Variants in SLC13A3 observed in about 807,000 individuals in gnomAD.
SLC13A3 encodes the protein Na(+)/dicarboxylate cotransporter 3.
A neutral mutation model predicts 59.0 loss-of-function variants in SLC13A3; 40 were observed. That is an observed-to-expected ratio of 0.68 (90% confidence interval 0.53 to 0.88). SLC13A3 has a LOEUF of 0.88. Among genes scored for constraint, SLC13A3 ranks in the 40% least tolerant of loss-of-function variants. SLC13A3 has a pLI of 0.00. For synonymous variants in SLC13A3, 317 were observed against 330.3 expected, an observed-to-expected ratio of 0.96 and a Z score of 0.44; for missense variants, 699 against 783.2, an observed-to-expected ratio of 0.89 and a Z score of 1.28.
intron 3 of SLC13A3, among the ~76,000 whole-genome samples, chr20:46,601,036 G>A (rs190486426): frequency 2.6e-4 from 39 of 152,130 alleles, no homozygotes; most frequent in South Asian, 2.5e-3. Flanking sequence ...GCAAAGGCCC[G>A]GCAGTAAGGA....
At chr20:46,588,266 C>T (rs1306186030) in intron 7 of SLC13A3, 103 bp from the exon 8 acceptor site, 4 of 642,274 alleles carry the variant, frequency 6.2e-6, no homozygotes, top group Non-Finnish European at 1.1e-5. Context: ...TGGGCCCGGG[C>T]TCTGCCTCTG....
chr20:46,675,084 G>A (rs117041214), upstream of SLC13A3, among the ~76,000 whole-genome samples: 1,927 of 152,086 alleles, frequency 0.013, 20 homozygotes, highest in Middle Eastern at 0.048. Context: ...TGAGATGTGC[G>A]CAAGGCTGGC....
intron 3 of SLC13A3, among the ~76,000 whole-genome samples, chr20:46,609,792 T>C (rs1253616468): frequency 2.6e-5 from 4 of 152,248 alleles, no homozygotes; most frequent in South Asian, 2.1e-4. Context: ...ATAAAGTGCA[T>C]GTAGCCACCA....
At chr20:46,657,074 G>A (rs1199156907) in intron 1 of SLC13A3, among the ~76,000 whole-genome samples, 1 of 151,886 alleles carries the variant, frequency 6.6e-6, no homozygotes, top group Non-Finnish European at 1.5e-5. Context: ...AAGTCAGTTT[G>A]ACCAGCCTGG....
intron 1 of SLC13A3, among the ~76,000 whole-genome samples, chr20:46,641,542 T>C (rs899633913): frequency 2.0e-4 from 30 of 152,012 alleles, no homozygotes; most frequent in Admixed American, 1.9e-3. Flanking sequence ...GGAGGTACCA[T>C]TGGAGCCAAG....
intron 9 of SLC13A3, 60 bp from the exon 10 acceptor site, chr20:46,575,745 C>G: frequency 9.5e-7 from 1 of 1,048,942 alleles, no homozygotes; most frequent in Non-Finnish European, 1.4e-6. Flanking sequence ...GCAGAGGCCA[C>G]CAGCCCTGAG....
chr20:46,581,443 T>G (rs550838844), intron 9 of SLC13A3, among the ~76,000 whole-genome samples: 20 of 152,232 alleles, frequency 1.3e-4, no homozygotes, highest in African/African-American at 4.6e-4. Context: ...AGAGACCCAC[T>G]GGGCAAAGAG....
At chr20:46,574,813 C>T (rs970063214) in intron 10 of SLC13A3, among the ~76,000 whole-genome samples, 3 of 148,488 alleles carry the variant, frequency 2.0e-5, no homozygotes, top group Non-Finnish European at 3.0e-5. Flanking sequence ...GATGAGTTAA[C>T]GTGTAAAGCA....
At chr20:46,642,915 GC>G (rs1220581051) in intron 1 of SLC13A3, among the ~76,000 whole-genome samples, 2 of 151,384 alleles carry the variant, frequency 1.3e-5, no homozygotes, top group African/African-American at 4.9e-5. Flanking sequence ...CCATCTGCCA[GC>G]CTAATGTGGG....
chr20:46,682,422 A>C (rs891076352), intron 1 of SLC13A3: 1 of 152,146 alleles, frequency 6.6e-6, no homozygotes, highest in African/African-American at 2.4e-5. Flanking sequence ...TGGAGCACTC[A>C]CTATGCCAGC....
chr20:46,657,844 C>A lies in SLC13A3; in HGVS notation c.-31+12199G>T, dbSNP rs57852669. ...GGAGCAAGGCGCTGGGGGGAGGTGC[C>A]ACACACTTTTAAACAACCAGATTTC... On this transcript the variant is annotated intron_variant, in intron 1 of 12. Transcript: ENST00000290317. Among the ~76,000 whole-genome samples, 677 of 152,176 alleles carry A rather than the reference C, an allele frequency of 4.4e-3. 2 individuals are homozygous for A. The highest frequency in any genetic ancestry group is 0.016 in the African/African-American group (655 of 41,490).
At chr20:46,644,621 G>A (rs544359057) in intron 1 of SLC13A3, among the ~76,000 whole-genome samples, 6 of 152,176 alleles carry the variant, frequency 3.9e-5, no homozygotes, top group Non-Finnish European at 8.8e-5. Context: ...TTTCAGCTGG[G>A]GAACTGGGTT....
upstream of SLC13A3, among the ~76,000 whole-genome samples, chr20:46,674,399 G>A (rs140203578): frequency 3.2e-3 from 488 of 152,270 alleles, 3 homozygotes; most frequent in African/African-American, 0.01. Context: ...GGCCTGGATC[G>A]TTGACTAACC....
chr20:46,572,377 G>A (rs1436307408), intron 10 of SLC13A3, among the ~76,000 whole-genome samples: 17 of 152,190 alleles, frequency 1.1e-4, no homozygotes, highest in African/African-American at 3.6e-4. Context: ...CAAAGCCCCT[G>A]TTGAAGAGAA....
In SLC13A3 at chr20:46,558,979, C is replaced by G. The variant is rs1048419437; in HGVS notation, c.*1043G>C. On this transcript the variant is annotated 3_prime_UTR_variant, in exon 13 of 13. Transcript: ENST00000279027. ...GCTCACGGGGACGTCTCAGTTTTAC[C>G]CATATGCAGAAGGGGACAATCTTTT... 2 of 152,002 alleles carry G rather than the reference C, an allele frequency of 1.3e-5. No individual in the cohort carries two copies. The highest frequency in any genetic ancestry group is 4.8e-5 in the African/African-American group (2 of 41,376). 9.4% of individuals were successfully genotyped at this position (152,002 alleles called of 1,614,324 possible). A position where few individuals can be genotyped will look rare whatever the true frequency, so the allele number is the denominator to read the frequency against.
intron 1 of SLC13A3, among the ~76,000 whole-genome samples, chr20:46,636,299 C>T (rs544342638): frequency 3.8e-4 from 58 of 152,316 alleles, no homozygotes; most frequent in African/African-American, 1.3e-3. Flanking sequence ...AGAATGTCAG[C>T]TGCATAGCTG....
At chr20:46,571,655 A>C (rs966340165) in intron 10 of SLC13A3, among the ~76,000 whole-genome samples, 68 of 152,156 alleles carry the variant, frequency 4.5e-4, no homozygotes, top group African/African-American at 1.5e-3. Context: ...TGGAGCTTCC[A>C]TTCTAGTAAG....
At chr20:46,582,061 G>T (rs1568918901) in intron 9 of SLC13A3, among the ~76,000 whole-genome samples, 1 of 152,166 alleles carries the variant, frequency 6.6e-6, no homozygotes, top group Non-Finnish European at 1.5e-5. Context: ...GCAGAGACGG[G>T]AGGGTCACTT....
At chr20:46,622,518 T>C (rs1011394228) in intron 1 of SLC13A3, among the ~76,000 whole-genome samples, 4 of 152,138 alleles carry the variant, frequency 2.6e-5, no homozygotes, top group Non-Finnish European at 4.4e-5. Flanking sequence ...TGAGCATTTA[T>C]TTGCCTATTG....
Sources: gnomAD v4.1 joint callset for allele counts (sites outside exome capture counted in the v4.1 genomes callset) on GRCh38, gnomAD v4.1.1 for gene constraint, MANE v1.5 for transcripts, NCBI Gene and HGNC (gene_info 2026-07-23, HGNC 2026-07-21) for gene names.